SHISA9: variants seen among roughly 807,000 people sequenced by gnomAD.
SHISA9 encodes the protein shisa family member 9, also known as protein shisa-9.
SHISA9 carries 13 observed loss-of-function variants against 38.0 expected under a neutral mutation model. The ratio of observed to expected loss-of-function variants is 0.34; its 90% CI spans 0.22 to 0.54. The LOEUF (loss-of-function observed/expected upper bound fraction) is 0.54, where lower values mean the gene tolerates loss of function less well. Among genes scored for constraint, SHISA9 ranks in the 20% least tolerant of loss-of-function variants. SHISA9 has a pLI of 0.91. For missense variants in SHISA9, 538 were observed against 575.8 expected (o/e 0.93, Z 0.67); for synonymous variants, 275 against 242.0 (o/e 1.14, Z -1.27).
the SHISA9 span, among the ~76,000 whole-genome samples, chr16:13,527,782 G>C: frequency 6.6e-6 from 1 of 152,164 alleles, no homozygotes; most frequent in Non-Finnish European, 1.5e-5. Flanking sequence ...AGCCTGAGCG[G>C]GTTTCTGTTA....
chr16:12,934,495 A>G (rs913013357), intron 2 of SHISA9, among the ~76,000 whole-genome samples: 10 of 152,222 alleles, frequency 6.6e-5, no homozygotes, highest in African/African-American at 2.2e-4. Flanking sequence ...ACACCTTTTT[A>G]TGTAACAACT....
chr16:13,439,867 G>A, the SHISA9 span, among the ~76,000 whole-genome samples: 2 of 152,202 alleles, frequency 1.3e-5, no homozygotes, highest in African/African-American at 4.8e-5. Context: ...CAAAAGCCCA[G>A]CTGGGAGTCA....
At chr16:13,516,131 C>G in the SHISA9 span, among the ~76,000 whole-genome samples, 1 of 152,198 alleles carries the variant, frequency 6.6e-6, no homozygotes, top group South Asian at 2.1e-4. Flanking sequence ...GAGGAAGTGT[C>G]TCGTCCAAGC....
intron 2 of SHISA9, among the ~76,000 whole-genome samples, chr16:13,199,694 A>G (rs1357036440): frequency 6.6e-6 from 1 of 152,232 alleles, no homozygotes; most frequent in East Asian, 1.9e-4. Context: ...GGTTCCAAGT[A>G]GAAAAGTTGA....
chr16:13,465,571 A>G, the SHISA9 span, among the ~76,000 whole-genome samples: 9 of 152,340 alleles, frequency 5.9e-5, no homozygotes, highest in African/African-American at 1.9e-4. Flanking sequence ...AAAGATATCA[A>G]ATGGTACCTG....
chr16:13,494,560 C>T, the SHISA9 span, among the ~76,000 whole-genome samples: 1 of 151,290 alleles, frequency 6.6e-6, no homozygotes, highest in Non-Finnish European at 1.5e-5. Flanking sequence ...TTAAAGAATT[C>T]GTTATGAGAA....
At chr16:13,203,018 C>T (rs1287572615) in intron 2 of SHISA9, among the ~76,000 whole-genome samples, 1 of 152,184 alleles carries the variant, frequency 6.6e-6, no homozygotes, top group East Asian at 1.9e-4. Flanking sequence ...AATCTGTTGG[C>T]AAAGGAATGG....
the SHISA9 span, among the ~76,000 whole-genome samples, chr16:13,342,422 G>A: frequency 6.6e-6 from 1 of 152,090 alleles, no homozygotes; most frequent in Admixed American, 6.6e-5. Context: ...CCAGTAGCTG[G>A]GATTACAGGC....
chr16:13,035,747 C>T (rs1199843990), intron 2 of SHISA9, among the ~76,000 whole-genome samples: 5 of 152,040 alleles, frequency 3.3e-5, no homozygotes, highest in Admixed American at 1.3e-4. Context: ...GCCAGGCTGG[C>T]CTCAAACTCC....
At chr16:12,945,798 T>C (rs2071681585) in intron 2 of SHISA9, among the ~76,000 whole-genome samples, 2 of 152,232 alleles carry the variant, frequency 1.3e-5, no homozygotes, top group South Asian at 4.1e-4. Context: ...ACATCTCCTT[T>C]TAAGAATGAG....
chr16:12,962,166 G>A (rs559570061), intron 2 of SHISA9, among the ~76,000 whole-genome samples: 1 of 152,326 alleles, frequency 6.6e-6, no homozygotes, highest in Admixed American at 6.5e-5. Context: ...GGTGCTGTCT[G>A]TTGTCATTTC....
chr16:12,966,746 A>T (rs2071984323), intron 2 of SHISA9, among the ~76,000 whole-genome samples: 1 of 152,242 alleles, frequency 6.6e-6, no homozygotes, highest in Non-Finnish European at 1.5e-5. Flanking sequence ...AAGTGCTAAG[A>T]AAATTTACTG....
At chr16:13,451,531 T>C in the SHISA9 span, among the ~76,000 whole-genome samples, 1 of 152,272 alleles carries the variant, frequency 6.6e-6, no homozygotes, top group East Asian at 1.9e-4. Flanking sequence ...TACTTTTAGA[T>C]ATAATGGGCA....
chr16:13,419,969 G>A, the SHISA9 span, among the ~76,000 whole-genome samples: 1 of 152,114 alleles, frequency 6.6e-6, no homozygotes, highest in African/African-American at 2.4e-5. Context: ...GCTCAAGCTG[G>A]GCACAGTGGC....
At chr16:13,278,327 G>A in the SHISA9 span, among the ~76,000 whole-genome samples, 4 of 152,052 alleles carry the variant, frequency 2.6e-5, no homozygotes, top group East Asian at 3.9e-4. Flanking sequence ...CTAGTATTTT[G>A]TTAAGGATTT....
At chr16:13,139,652 T>A (rs1287132995) in intron 2 of SHISA9, among the ~76,000 whole-genome samples, 1 of 152,022 alleles carries the variant, frequency 6.6e-6, no homozygotes, top group Non-Finnish European at 1.5e-5. Flanking sequence ...GCATTCCCTG[T>A]CTTGGAAACA....
chr16:13,418,561 C>A, the SHISA9 span, among the ~76,000 whole-genome samples: 1,343 of 152,274 alleles, frequency 8.8e-3, 13 homozygotes, highest in African/African-American at 0.028. Context: ...GGACTTCCCC[C>A]CAGTATGGCG....
At chr16:13,068,975 ATATG>A (rs756725559) in intron 2 of SHISA9, among the ~76,000 whole-genome samples, 23 of 151,958 alleles carry the variant, frequency 1.5e-4, no homozygotes, top group Non-Finnish European at 1.8e-4. Context: ...ATGTATGTAT[ATATG>A]TGTGTACATG....
chr16:13,398,742 C>T, the SHISA9 span, among the ~76,000 whole-genome samples: 4 of 151,970 alleles, frequency 2.6e-5, no homozygotes, highest in East Asian at 7.7e-4. Flanking sequence ...GAACTCCTGA[C>T]CTCAGGTGAT....
Sources: gnomAD v4.1 joint callset for allele counts (sites outside exome capture counted in the v4.1 genomes callset) on GRCh38, gnomAD v4.1.1 for gene constraint, MANE v1.5 for transcripts, NCBI Gene and HGNC (gene_info 2026-07-23, HGNC 2026-07-21) for gene names.